The following MMP26 variants were observed in gnomAD, a reference collection of about 807,000 sequenced individuals.
MMP26 encodes the protein matrix metallopeptidase 26, also known as matrix metalloproteinase-26.
A neutral mutation model predicts 31.0 loss-of-function variants in MMP26; 33 were observed. That is an observed-to-expected ratio of 1.06 (90% confidence interval 0.81 to 1.42). MMP26 has a LOEUF of 1.42. Ranked by LOEUF, MMP26 falls within the 40% of genes most tolerant of loss-of-function variation. The pLI, the probability that MMP26 is intolerant of heterozygous loss-of-function variation, is 0.00. For missense variants in MMP26, 347 were observed against 316.1 expected (o/e 1.10, Z -0.74); for synonymous variants, 122 against 114.9 (o/e 1.06, Z -0.40).
Position 4,803,785 on chromosome 11 carries a change from C to A in MMP26, c.-145+36444C>A, listed in dbSNP as rs75386291. On this transcript the variant is annotated intron_variant, in intron 2 of 7. Transcript: ENST00000380390. The stretch of plus-strand genomic sequence containing the variant: ...GAAGGCCACAAAGAGCCCATTCCCA[C>A]GACTTATGCTTGTATCAGCACACAC... 1.4e-5 allele frequency: 23 copies of A among 1,613,136 alleles called. 1 individual carries two copies. Among genetic ancestry groups the A allele is most frequent in the Middle Eastern group, 3.3e-4 (2 of 6,084 alleles).
intron 1 of MMP26, among the ~76,000 whole-genome samples, chr11:4,738,844 C>G (rs1338546673): frequency 6.6e-6 from 1 of 152,018 alleles, no homozygotes; most frequent in Non-Finnish European, 1.5e-5. Flanking sequence ...CTTTATCATA[C>G]ATTATATATA....
intron 2 of MMP26, among the ~76,000 whole-genome samples, chr11:4,837,234 G>A (rs1411300287): frequency 6.6e-6 from 1 of 152,046 alleles, no homozygotes; most frequent in Non-Finnish European, 1.5e-5. Context: ...TTGAGACAAG[G>A]TCTTGTTCTG....
At chr11:4,921,751 T>C (rs895046141) in intron 2 of MMP26, among the ~76,000 whole-genome samples, 1 of 152,360 alleles carries the variant, frequency 6.6e-6, no homozygotes, top group African/African-American at 2.4e-5. Flanking sequence ...GCGGTTATGT[T>C]TGCAGTTGTT....
At chr11:4,861,341 A>G (rs977330487) in intron 2 of MMP26, among the ~76,000 whole-genome samples, 1 of 150,616 alleles carries the variant, frequency 6.6e-6, no homozygotes. Context: ...TATACAATAT[A>G]TATTACATAT....
At chr11:4,711,851 T>C (rs1011211732) in intron 1 of MMP26, 13 of 152,206 alleles carry the variant, frequency 8.5e-5, no homozygotes, top group African/African-American at 3.1e-4. Context: ...ATGAATTATA[T>C]ATATTTCTGA....
At position 4,970,549 on chromosome 11, in the gene MMP26, C is replaced by T. The variant is rs188317833; in HGVS notation, c.-144-17519C>T. Among the ~76,000 whole-genome samples, 302 of 152,320 alleles carry T rather than the reference C, an allele frequency of 2.0e-3. 1 individual carries two copies. Among genetic ancestry groups the T allele is most frequent in the South Asian group, 3.3e-3 (16 of 4,828 alleles). On this transcript the variant is annotated intron_variant, in intron 2 of 7. Coordinates refer to ENST00000380390, the MANE Select transcript of MMP26 (RefSeq NM_021801.5). ...CAAGTGAGTATAGAGAGGTGAGCCA[C>T]TTAAGCTGAGGTTTATTGTGGAGGC... is the stretch of plus-strand genomic sequence containing the variant.
intron 1 of MMP26, among the ~76,000 whole-genome samples, chr11:4,749,423 TA>T (rs577570670): frequency 1.1e-4 from 17 of 151,092 alleles, no homozygotes; most frequent in South Asian, 2.1e-4. Context: ...TTCACAGAAT[TA>T]AAAAAAAATC....
At chr11:4,833,592 T>C (rs942358480) in intron 2 of MMP26, among the ~76,000 whole-genome samples, 1 of 152,194 alleles carries the variant, frequency 6.6e-6, no homozygotes, top group African/African-American at 2.4e-5. Flanking sequence ...CCTAGAAAGT[T>C]GTTAAAATTG....
intron 2 of MMP26, among the ~76,000 whole-genome samples, chr11:4,827,616 A>G (rs545773415): frequency 2.6e-5 from 4 of 152,118 alleles, no homozygotes; most frequent in Non-Finnish European, 5.9e-5. Context: ...TTATGTTAAA[A>G]TGGTGATATT....
intron 2 of MMP26, chr11:4,882,555 C>T (rs918096708): frequency 6.2e-7 from 1 of 1,613,894 alleles, no homozygotes. Flanking sequence ...ATTCTTTTCT[C>T]CTATGTCCTG....
At chr11:4,907,609 C>A in intron 2 of MMP26, 2 of 1,613,782 alleles carry the variant, frequency 1.2e-6, no homozygotes, top group Non-Finnish European at 1.7e-6. Context: ...CCCTTCCTAC[C>A]ATGTTGAGGG....
In MMP26 at chr11:4,706,593, AAAAAAAGAC is replaced by A. The variant is rs1445842701; in HGVS notation, c.-217+1550_-217+1558del. On this transcript the variant is annotated intron_variant, in intron 1 of 7. Transcript: ENST00000380390. ...ACCCTATCTCAAAAAAAAAAAAAAAAAAAAAAGACAGAAAGAAAGAAAGAAAGAAAAGAA... is the reference window on the plus strand; with the variant it reads ...ACCCTATCTCAAAAAAAAAAAAAAAAAGAAAGAAAGAAAGAAAGAAAAGAA... Among the ~76,000 whole-genome samples, 116 of 127,680 alleles carry A rather than the reference AAAAAAAGAC, an allele frequency of 9.1e-4. 1 individual carries two copies. Among genetic ancestry groups the A allele is most frequent in the African/African-American group, 4.0e-3 (97 of 24,488 alleles). The allele number at this position is 127,680 out of a possible 152,430, so 83.8% of individuals were successfully genotyped here. A position where few individuals can be genotyped will look rare whatever the true frequency, so the allele number is the denominator to read the frequency against.
chr11:4,783,783 C>G (rs1047407217), intron 2 of MMP26, among the ~76,000 whole-genome samples: 2 of 152,128 alleles, frequency 1.3e-5, no homozygotes, highest in African/African-American at 4.8e-5. Flanking sequence ...GAATAAGTCT[C>G]ACAAGATCTG....
At chr11:4,811,288 G>A (rs1351368231) in intron 2 of MMP26, among the ~76,000 whole-genome samples, 13 of 152,090 alleles carry the variant, frequency 8.5e-5, no homozygotes, top group Admixed American at 4.6e-4. Flanking sequence ...TTGGTGTACC[G>A]ATTATTTTAT....
At chr11:4,897,591 A>G (rs1326651073) in intron 2 of MMP26, among the ~76,000 whole-genome samples, 1 of 152,022 alleles carries the variant, frequency 6.6e-6, no homozygotes, top group Non-Finnish European at 1.5e-5. Flanking sequence ...TGAAACTGTG[A>G]ATCAAATAAA....
At chr11:4,819,734 A>C (rs1352957041) in intron 2 of MMP26, among the ~76,000 whole-genome samples, 1 of 151,858 alleles carries the variant, frequency 6.6e-6, no homozygotes, top group African/African-American at 2.4e-5. Context: ...ATGTACCACC[A>C]TGCCTGGCTA....
intron 2 of MMP26, among the ~76,000 whole-genome samples, chr11:4,926,183 A>G (rs1476253025): frequency 6.6e-6 from 1 of 152,138 alleles, no homozygotes; most frequent in Non-Finnish European, 1.5e-5. Flanking sequence ...AATTTAATAT[A>G]AGAATAAAAC....
intron 2 of MMP26, among the ~76,000 whole-genome samples, chr11:4,936,991 T>TACTG (rs1846124691): frequency 2.0e-5 from 3 of 152,188 alleles, no homozygotes. Flanking sequence ...ACTCTTCTCT[T>TACTG]ACTAGGCATT....
At position 4,952,731 on chromosome 11, in the gene MMP26, A is replaced by G. The variant is rs183303984; in HGVS notation, c.-144-35337A>G. Among the ~76,000 whole-genome samples the G allele has an allele frequency of 3.2e-4, 40 of 125,664 alleles. 7 individuals are homozygous for G. Among genetic ancestry groups the G allele is most frequent in the African/African-American group, 1.1e-3 (40 of 37,052 alleles). 82.4% of individuals were successfully genotyped at this position (125,664 alleles called of 152,430 possible). ...AATCTCTTCAACTAAAATAAATAAG[A>G]AAAAACCCTTTATAAAAAGCTGGGT... is the stretch of plus-strand genomic sequence containing the variant. On this transcript the variant is annotated intron_variant, in intron 2 of 7. Coordinates refer to ENST00000380390, the MANE Select transcript of MMP26 (RefSeq NM_021801.5).
Sources: gnomAD v4.1 joint callset for allele counts (sites outside exome capture counted in the v4.1 genomes callset) on GRCh38, gnomAD v4.1.1 for gene constraint, MANE v1.5 for transcripts, NCBI Gene and HGNC (gene_info 2026-07-23, HGNC 2026-07-21) for gene names.